The following ZNF485 variants were observed in gnomAD, a reference collection of about 807,000 sequenced individuals.
ZNF485 encodes the protein Zinc finger protein 93 (Zinc finger protein HTF34).
ZNF485 carries 9 observed loss-of-function variants against 10.8 expected under a neutral mutation model. The observed-to-expected ratio is 0.83, with a 90% CI of 0.50 to 1.45. The LOEUF is 1.45. Among genes scored for constraint, ZNF485 ranks in the 40% most tolerant of loss-of-function variants. The pLI, the probability that ZNF485 is intolerant of heterozygous loss-of-function variation, is 0.00. For synonymous variants in ZNF485, 187 were observed against 181.0 expected (o/e 1.03, Z -0.27); for missense variants, 487 against 528.0 (o/e 0.92, Z 0.76).
rs1215589053 is a variant in ZNF485, at chr10:43,606,951, G to C, written c.-54-46G>C. On this transcript the variant is annotated intron_variant, in intron 1 of 4. Coordinates refer to ENST00000361807, the MANE Select transcript of ZNF485 (RefSeq NM_145312.4). ...GGTCTAGAGGGCAGATTCTAGCTAG[G>C]CTAGGGCACGGAGGGACTTCCTCAA... The C allele has an allele frequency of 4.7e-6, 7 of 1,483,864 alleles. No individual in the cohort carries two copies. In the Admixed American group the frequency reaches 1.4e-4, roughly 29 times the overall value. 91.9% of individuals were successfully genotyped at this position (1,483,864 alleles called of 1,614,324 possible). A position where few individuals can be genotyped will look rare whatever the true frequency, so the allele number is the denominator to read the frequency against.
At chr10:43,614,215 A>C (rs946227950) in intron 4 of ZNF485, among the ~76,000 whole-genome samples, 1 of 144,280 alleles carries the variant, frequency 6.9e-6, no homozygotes, top group African/African-American at 2.6e-5. Flanking sequence ...CTCCGTATCA[A>C]AAAAAAAAAA....
At chr10:43,611,796 C>T (rs948765337) in intron 4 of ZNF485, among the ~76,000 whole-genome samples, 1 of 152,140 alleles carries the variant, frequency 6.6e-6, no homozygotes, top group Non-Finnish European at 1.5e-5. Context: ...TTTATCTTTC[C>T]TGAGAACTGC....
intron 4 of ZNF485, among the ~76,000 whole-genome samples, chr10:43,614,783 A>G (rs1369036032): frequency 6.6e-6 from 1 of 151,682 alleles, no homozygotes; most frequent in Non-Finnish European, 1.5e-5. Context: ...TAGAAGCTTT[A>G]TTATTTGGTT....
chr10:43,608,623 A>G lies in ZNF485; in HGVS notation c.34A>G (p.Thr12Ala). ...APRAQIQGPL[T>A]FGDVAVAFTR... ...GGGTTTGGTTTTGCAGGGACCGCTG[A>G]CATTTGGGGATGTGGCTGTGGCCTT... is the stretch of plus-strand genomic sequence containing the variant. The change falls in exon 3 of 5, where the codon ACA (threonine) becomes GCA (alanine). Residue 12 changes from threonine to alanine, a missense_variant. Coordinates refer to ENST00000361807, the MANE Select transcript of ZNF485 (RefSeq NM_145312.4). 1 of 1,613,652 alleles carries G rather than the reference A, an allele frequency of 6.2e-7. No homozygotes were observed. Among genetic ancestry groups the G allele is most frequent in the Non-Finnish European group, 8.5e-7 (1 of 1,179,704 alleles).
At chr10:43,615,749 A>C (rs1838846101) in intron 4 of ZNF485, among the ~76,000 whole-genome samples, 1 of 152,136 alleles carries the variant, frequency 6.6e-6, no homozygotes, top group Non-Finnish European at 1.5e-5. Context: ...TTATAGTAAA[A>C]TCTTATTGGC....
rs1219005289 is a variant in ZNF485, at chr10:43,617,472, A to T, written c.*103A>T. ...AAATACTCTGTACTTCTGAGAGAACACATCACTTGTGAGGATATTCATTGT... is the reference window on the plus strand; with the variant it reads ...AAATACTCTGTACTTCTGAGAGAACTCATCACTTGTGAGGATATTCATTGT... On this transcript the variant is annotated 3_prime_UTR_variant, in exon 5 of 5. Transcript: ENST00000361807. 1.2e-6 allele frequency: 1 copy of T among 848,190 alleles called. No homozygotes were observed. The highest frequency in any genetic ancestry group is 2.4e-5 in the East Asian group (1 of 40,982). 52.5% of individuals were successfully genotyped at this position (848,190 alleles called of 1,614,324 possible).
chr10:43,615,107 T>C (rs1019905242), intron 4 of ZNF485, among the ~76,000 whole-genome samples: 1 of 152,226 alleles, frequency 6.6e-6, no homozygotes, highest in Non-Finnish European at 1.5e-5. Context: ...AAAAAATAAG[T>C]CTTAGCTCTA....
At chr10:43,606,933 A>G in intron 1 of ZNF485, 64 bp from the exon 2 acceptor site, 18 of 1,332,600 alleles carry the variant, frequency 1.4e-5, no homozygotes, top group Non-Finnish European at 1.9e-5. Context: ...CCTGGTCTAG[A>G]GGGCAGATTC....
chr10:43,608,691 C>T lies in ZNF485; in HGVS notation c.102C>T (p.Ala34=), dbSNP rs1180298746. 2 of 1,613,970 alleles carry T rather than the reference C, an allele frequency of 1.2e-6. No homozygotes were observed. Among genetic ancestry groups the T allele is most frequent in the Non-Finnish European group, 1.7e-6 (2 of 1,180,004 alleles). Residue 34 remains alanine, a synonymous_variant, in exon 3 of 5, where the codon GCC becomes GCT. Transcript: ENST00000361807. ...EWRHLDAAQR[A]LYRDVMLENY... is the part of the protein sequence containing the mutation. ...GACACCTGGATGCTGCTCAGCGGGC[C>T]CTGTACAGGGATGTGATGCTGGAGA...
At chr10:43,613,342 T>A (rs1468219391) in intron 4 of ZNF485, among the ~76,000 whole-genome samples, 2 of 152,256 alleles carry the variant, frequency 1.3e-5, no homozygotes, top group Non-Finnish European at 2.9e-5. Flanking sequence ...TATCATATAG[T>A]ACATATAATT....
At chr10:43,611,777 A>G (rs958932012) in intron 4 of ZNF485, among the ~76,000 whole-genome samples, 3 of 152,112 alleles carry the variant, frequency 2.0e-5, no homozygotes, top group Admixed American at 1.3e-4. Flanking sequence ...ATTTTGAGCA[A>G]CCCTTGTATT....
At chr10:43,615,825 T>C (rs1397357705) in intron 4 of ZNF485, among the ~76,000 whole-genome samples, 2 of 152,252 alleles carry the variant, frequency 1.3e-5, no homozygotes, top group East Asian at 3.8e-4. Context: ...CAATTAAATA[T>C]TGGTTCACTC....
chr10:43,607,264 GT>G lies in ZNF485; in HGVS notation c.24+194del, dbSNP rs752131610. The G allele has an allele frequency of 1.1e-4, 75 of 663,550 alleles. 2 individuals are homozygous for G. Among genetic ancestry groups the G allele is most frequent in the East Asian group, 5.7e-4 (21 of 36,702 alleles). 41.1% of individuals were successfully genotyped at this position (663,550 alleles called of 1,614,324 possible). On this transcript the variant is annotated intron_variant, in intron 2 of 4. Coordinates refer to ENST00000361807, the MANE Select transcript of ZNF485 (RefSeq NM_145312.4). ...CACCAAGTAGATTATTGCTACCCAT[GT>G]TTTCTAGAGTGCTAGAAACAGAAAA...
rs1564480464 is a variant in ZNF485 at position 43,606,709 on chromosome 10, C to T, written c.-55+163C>T. 10 of 425,636 alleles carry T rather than the reference C, an allele frequency of 2.3e-5. No homozygotes were observed. In the South Asian group the frequency reaches 3.5e-4, roughly 15 times the overall value. 26.4% of individuals were successfully genotyped at this position (425,636 alleles called of 1,614,324 possible). On this transcript the variant is annotated intron_variant, in intron 1 of 4. Transcript: ENST00000361807. ...GTGGCTGCGCCGTGTGGAGCGACCG[C>T]TCGAGGCTGGTGCATCACAGAGCGC...
In ZNF485 at chr10:43,609,299, G is replaced by A. The variant is rs1838720438; in HGVS notation, c.196G>A (p.Gly66Arg). Residue 66 changes from glycine (G) to arginine (R), a missense_variant, in exon 4 of 5, where the codon GGG becomes AGG. Physicochemically the swap from Gly to Arg is moderately radical, Grantham distance 125. Coordinates refer to ENST00000361807, the MANE Select transcript of ZNF485 (RefSeq NM_145312.4). ...AAAACTAATTACTCAGTTGGAGCAA[G>A]GGGCAGAGCCCTGGACTGAGGTGCG... Reference protein sequence around the residue: ...KPKLITQLEQGAEPWTEVREA... With the variant: ...KPKLITQLEQRAEPWTEVREA... The A allele has an allele frequency of 6.2e-7, 1 of 1,614,036 alleles. No homozygotes were observed. The highest frequency in any genetic ancestry group is 8.5e-7 in the Non-Finnish European group (1 of 1,179,956).
In ZNF485 at chr10:43,616,690, G is replaced by A. The variant is rs1838865862; in HGVS notation, c.647G>A (p.Cys216Tyr). ...CATTCTAGGGAGAAACCCCACAAAT[G>A]CATTGAATGTGGAAAAACTTTCAGA... ...RIHSREKPHK[C>Y]IECGKTFRKN... Residue 216 changes from cysteine (C) to tyrosine (Y), a missense_variant, in exon 5 of 5, where the codon TGC becomes TAC. Cys to Tyr is a radical substitution (Grantham distance 194). Coordinates refer to ENST00000361807, the MANE Select transcript of ZNF485 (RefSeq NM_145312.4). 6.2e-7 allele frequency: 1 copy of A among 1,614,022 alleles called. No homozygotes were observed. Among genetic ancestry groups the A allele is most frequent in the Admixed American group, 1.7e-5 (1 of 60,004 alleles).
At chr10:43,610,081 G>C (rs1008834961) in intron 4 of ZNF485, among the ~76,000 whole-genome samples, 1 of 152,116 alleles carries the variant, frequency 6.6e-6, no homozygotes, top group Non-Finnish European at 1.5e-5. Context: ...CCAAACATAA[G>C]CATGGTTTTT....
intron 4 of ZNF485, among the ~76,000 whole-genome samples, chr10:43,612,994 C>T (rs1735853340): frequency 6.6e-6 from 1 of 152,082 alleles, no homozygotes; most frequent in Admixed American, 6.5e-5. Context: ...CAGTAGGTTA[C>T]AGTATGTAGA....
In ZNF485 at chr10:43,607,019, G is replaced by A. The variant is rs1254136365; in HGVS notation, c.-32G>A. The A allele has an allele frequency of 6.4e-7, 1 of 1,551,772 alleles. No individual in the cohort carries two copies. Among genetic ancestry groups the A allele is most frequent in the Non-Finnish European group, 8.7e-7 (1 of 1,146,986 alleles). On this transcript the variant is annotated 5_prime_UTR_variant, in exon 2 of 5. Coordinates refer to ENST00000361807, the MANE Select transcript of ZNF485 (RefSeq NM_145312.4). Reference sequence around the variant, plus strand: ...CAGATTGACTTACGCAGGATTCTCAGCCCTTGCCTGGGAGAACAGTTCAGG... The same window carrying A: ...CAGATTGACTTACGCAGGATTCTCAACCCTTGCCTGGGAGAACAGTTCAGG...
Sources: gnomAD v4.1 joint callset for allele counts (sites outside exome capture counted in the v4.1 genomes callset) on GRCh38, gnomAD v4.1.1 for gene constraint, MANE v1.5 for transcripts, NCBI Gene and HGNC (gene_info 2026-07-23, HGNC 2026-07-21) for gene names.